Variants in CATSPERB observed in about 807,000 individuals in gnomAD.
The protein encoded by CATSPERB is cation channel sperm-associated auxiliary subunit beta.
CATSPERB carries 93 observed loss-of-function variants against 128.3 expected under a neutral mutation model. The observed-to-expected ratio is 0.72, with a 90% confidence interval of 0.61 to 0.86. The LOEUF is 0.86. CATSPERB is among the 40% of genes least tolerant of loss of function. The probability of loss-of-function intolerance (pLI) is 0.00; values close to 1 mark genes in which losing one functional copy is unlikely to be tolerated. For missense variants in CATSPERB, 1,153 were observed against 1,329.5 expected (o/e 0.87, Z 2.06); for synonymous variants, 381 against 448.8 (o/e 0.85, Z 1.91).
chr14:91,693,609 A>T, intron 7 of CATSPERB, 130 bp from the exon 8 acceptor site: 2 of 644,328 alleles, frequency 3.1e-6, no homozygotes, highest in Non-Finnish European at 5.5e-6. Flanking sequence ...AGCATTGGAA[A>T]GATGAAGTAA....
chr14:91,689,833 A>G (rs973504027), intron 10 of CATSPERB, among the ~76,000 whole-genome samples: 1 of 152,256 alleles, frequency 6.6e-6, no homozygotes, highest in African/African-American at 2.4e-5. Flanking sequence ...TTTTTCTAAC[A>G]AATTCTTAAC....
rs765116057 is a variant in CATSPERB at position 91,674,184 on chromosome 14, G to C, written c.970C>G (p.Leu324Val). ...VTVTFERNRTLSESSSCFYSQ... is the reference protein window; with the variant it reads ...VTVTFERNRTVSESSSCFYSQ... ...AATATTCAATATCATACCTCACTTA[G>C]GGTTCTGTTTCTCTCAAAGGTAACT... The change falls in exon 12 of 27, where the codon CTA (leucine) becomes GTA (valine). Residue 324 changes from leucine (L) to valine (V), a missense_variant. Coordinates refer to ENST00000256343, the MANE Select transcript of CATSPERB (RefSeq NM_024764.4). The C allele has an allele frequency of 1.3e-6, 2 of 1,534,462 alleles. No homozygotes were observed. The highest frequency in any genetic ancestry group is 2.3e-5 in the South Asian group (2 of 85,968).
intron 22 of CATSPERB, among the ~76,000 whole-genome samples, chr14:91,600,836 G>A (rs1248041819): frequency 2.0e-5 from 3 of 152,222 alleles, no homozygotes; most frequent in Admixed American, 6.5e-5. Context: ...GCCCCAAGGG[G>A]CTGCCCTGCT....
chr14:91,708,727 C>T (rs940253307), intron 5 of CATSPERB, among the ~76,000 whole-genome samples: 1 of 152,124 alleles, frequency 6.6e-6, no homozygotes, highest in Non-Finnish European at 1.5e-5. Flanking sequence ...AAACAACCTG[C>T]AAGGTGGTAG....
At chr14:91,636,731 A>T in intron 16 of CATSPERB, 152 bp from the exon 17 acceptor site, 1 of 698,174 alleles carries the variant, frequency 1.4e-6, no homozygotes, top group South Asian at 2.2e-5. Context: ...CTGTTGGAAC[A>T]TCCATGTGTG....
intron 7 of CATSPERB, among the ~76,000 whole-genome samples, chr14:91,701,545 T>A (rs7146924): frequency 0.015 from 2,273 of 152,244 alleles, 56 homozygotes; most frequent in African/African-American, 0.051. Context: ...CATTCAGAAC[T>A]GTATGTGGGA....
At chr14:91,701,642 G>A (rs772247638) in intron 7 of CATSPERB, among the ~76,000 whole-genome samples, 22 of 152,132 alleles carry the variant, frequency 1.4e-4, no homozygotes, top group Non-Finnish European at 1.9e-4. Context: ...ATATCCTAGA[G>A]GAGGAAAGGG....
At chr14:91,632,467 G>A (rs1894296957) in intron 17 of CATSPERB, among the ~76,000 whole-genome samples, 2 of 152,044 alleles carry the variant, frequency 1.3e-5, no homozygotes. Flanking sequence ...GCATTATAAT[G>A]ATAAAAATAG....
At chr14:91,719,361 T>C (rs1182948446) in intron 5 of CATSPERB, 57 bp downstream of exon 5, 1 of 1,243,436 alleles carries the variant, frequency 8.0e-7, no homozygotes, top group Admixed American at 2.3e-5. Context: ...CTTTTTGTTC[T>C]TTTTATTTGA....
chr14:91,721,197 G>C (rs1042968631), intron 4 of CATSPERB, among the ~76,000 whole-genome samples: 1 of 151,980 alleles, frequency 6.6e-6, no homozygotes, highest in Non-Finnish European at 1.5e-5. Context: ...GACACCAAAA[G>C]CACAAGCAAC....
At chr14:91,608,182 G>T (rs1488219262) in intron 22 of CATSPERB, 112 bp downstream of exon 22, 2 of 658,192 alleles carry the variant, frequency 3.0e-6, no homozygotes, top group Admixed American at 5.5e-5. Flanking sequence ...TAGCAATCAC[G>T]ATAATAACAG....
chr14:91,639,059 A>C (rs1160313757), intron 16 of CATSPERB, 37 bp downstream of exon 16: 2 of 1,579,136 alleles, frequency 1.3e-6, no homozygotes, highest in Admixed American at 3.5e-5. Flanking sequence ...TCTATTCTTA[A>C]AATAAGGCAA....
chr14:91,621,649 T>C lies in CATSPERB; in HGVS notation c.2219A>G (p.Asn740Ser). The C allele has an allele frequency of 6.2e-7, 1 of 1,610,786 alleles. No homozygotes were observed. The highest frequency in any genetic ancestry group is 8.5e-7 in the Non-Finnish European group (1 of 1,177,966). The change falls in exon 19 of 27, where the codon AAC becomes AGC. Residue 740 changes from asparagine to serine, a missense_variant. By Grantham distance (46) the Asn-to-Ser change is conservative. Coordinates refer to ENST00000256343, the MANE Select transcript of CATSPERB (RefSeq NM_024764.4). ...LNIVKYIDLG[N>S]SYVLKAKVIR... ...GACCTTAGCTTTTAAAACATAAGAGTTTCCCAGATCAATGTATTTCACGAT... is the reference window on the plus strand; with the variant it reads ...GACCTTAGCTTTTAAAACATAAGAGCTTCCCAGATCAATGTATTTCACGAT...
Position 91,693,405 on chromosome 14 carries a change from T to C in CATSPERB, c.691A>G (p.Ile231Val), listed in dbSNP as rs1236938473. The C allele has an allele frequency of 1.2e-6, 2 of 1,613,958 alleles. No individual in the cohort carries two copies. Among genetic ancestry groups the C allele is most frequent in the Non-Finnish European group, 1.7e-6 (2 of 1,179,874 alleles). ...TTACCTTCTTGAAGTTGGGAATAGA[T>C]AGTCTGTGTCATGTTAAACCATGTG... ...DTTWFNMTQT[I>V]YSQLQEEYED... Residue 231 changes from isoleucine to valine, a missense_variant, in exon 8 of 27, where the codon ATC (isoleucine) becomes GTC (valine). Transcript: ENST00000256343.
chr14:91,705,319 T>C (rs555181273), intron 6 of CATSPERB, among the ~76,000 whole-genome samples: 4 of 152,252 alleles, frequency 2.6e-5, no homozygotes, highest in Admixed American at 6.5e-5. Flanking sequence ...CCCAATCTCA[T>C]TGAAACAACA....
intron 22 of CATSPERB, among the ~76,000 whole-genome samples, chr14:91,605,860 T>A (rs1893691765): frequency 6.6e-6 from 1 of 152,198 alleles, no homozygotes. Flanking sequence ...GATCTACTAC[T>A]GGCCTATCTT....
intron 5 of CATSPERB, among the ~76,000 whole-genome samples, chr14:91,717,581 T>TA (rs1284294099): frequency 6.6e-6 from 1 of 152,162 alleles, no homozygotes; most frequent in Non-Finnish European, 1.5e-5. Context: ...ATAACATAGA[T>TA]AGAGTGTTTA....
chr14:91,633,692 C>A (rs1301153100), intron 17 of CATSPERB, among the ~76,000 whole-genome samples: 1 of 151,884 alleles, frequency 6.6e-6, no homozygotes, highest in East Asian at 1.9e-4. Flanking sequence ...GGAAAAAATT[C>A]TATAGATAAG....
At chr14:91,587,477 CTTTTTTTTTTTTTTTT>C (rs3029803) in intron 25 of CATSPERB, among the ~76,000 whole-genome samples, 4 of 101,566 alleles carry the variant, frequency 3.9e-5, no homozygotes, top group African/African-American at 1.5e-4. Context: ...ATAGCTGATA[CTTTTTTTTTTTTTTTT>C]TTTTTTTTTT....
Sources: gnomAD v4.1 joint callset for allele counts (sites outside exome capture counted in the v4.1 genomes callset) on GRCh38, gnomAD v4.1.1 for gene constraint, MANE v1.5 for transcripts, NCBI Gene and HGNC (gene_info 2026-07-23, HGNC 2026-07-21) for gene names.